The following MTMR12 variants were observed in gnomAD, a reference collection of about 807,000 sequenced individuals.
MTMR12 encodes myotubularin related protein 12.
A neutral mutation model predicts 96.7 loss-of-function variants in MTMR12; 33 were observed. The ratio of observed to expected loss-of-function variants is 0.34; its 90% CI spans 0.26 to 0.46. The LOEUF is 0.46. MTMR12 is among the 20% of genes least tolerant of loss of function. The probability of loss-of-function intolerance (pLI) is 1.00; values close to 1 mark genes in which losing one functional copy is unlikely to be tolerated. For missense variants in MTMR12, 721 were observed against 896.1 expected, an observed-to-expected ratio of 0.80 and a Z score of 2.49; for synonymous variants, 298 against 327.2, an observed-to-expected ratio of 0.91 and a Z score of 0.96.
At chr5:32,248,927 AGGG>A in intron 8 of MTMR12, 49 bp from the exon 9 acceptor site, 1 of 1,405,074 alleles carries the variant, frequency 7.1e-7, no homozygotes, top group Non-Finnish European at 1.0e-6. Flanking sequence ...ACAACCCAAC[AGGG>A]GACACATAAG....
At chr5:32,290,374 T>A (rs939170334) in intron 1 of MTMR12, among the ~76,000 whole-genome samples, 1 of 152,194 alleles carries the variant, frequency 6.6e-6, no homozygotes, top group African/African-American at 2.4e-5. Flanking sequence ...CATTTTCATG[T>A]CAGAGGATGG....
intron 6 of MTMR12, among the ~76,000 whole-genome samples, chr5:32,267,205 G>A (rs375692188): frequency 2.8e-4 from 42 of 151,892 alleles, no homozygotes; most frequent in African/African-American, 7.7e-4. Context: ...GTAAAACCCC[G>A]TCTCTACTAA....
At chr5:32,265,521 A>G (rs543709897) in intron 6 of MTMR12, among the ~76,000 whole-genome samples, 2 of 152,366 alleles carry the variant, frequency 1.3e-5, no homozygotes, top group African/African-American at 4.8e-5. Context: ...ATAAATGTTT[A>G]TACAAATTAT....
At chr5:32,250,974 C>G (rs1419230863) in intron 8 of MTMR12, among the ~76,000 whole-genome samples, 1 of 151,232 alleles carries the variant, frequency 6.6e-6, no homozygotes, top group Non-Finnish European at 1.5e-5. Flanking sequence ...ACTTCATAGG[C>G]AAGAATCACA....
chr5:32,230,542 C>A (rs1476792386), intron 15 of MTMR12, among the ~76,000 whole-genome samples, 195 bp from the exon 16 acceptor site: 1 of 152,190 alleles, frequency 6.6e-6, no homozygotes, highest in Non-Finnish European at 1.5e-5. Flanking sequence ...ATGGTGCACA[C>A]TGTACCAGAA....
rs1310011542 is a variant in MTMR12, at chr5:32,255,817, A to G, written c.714-49T>C. 4 of 1,488,074 alleles carry G rather than the reference A, an allele frequency of 2.7e-6. No homozygotes were observed. In the African/African-American group the frequency reaches 5.5e-5, roughly 21 times the overall value. The allele number at this position is 1,488,074 out of a possible 1,614,324, so 92.2% of individuals were successfully genotyped here. On this transcript the variant is annotated intron_variant, in intron 7 of 15. Coordinates refer to ENST00000382142, the MANE Select transcript of MTMR12 (RefSeq NM_001040446.3). Reference sequence around the variant, plus strand: ...GTTTTAGTACAACACTTAATTCACAAAATATGAAAGCTCAACTTCAATGGA... The same window carrying G: ...GTTTTAGTACAACACTTAATTCACAGAATATGAAAGCTCAACTTCAATGGA...
chr5:32,275,903 G>C (rs1750032935), intron 2 of MTMR12, among the ~76,000 whole-genome samples: 1 of 152,158 alleles, frequency 6.6e-6, no homozygotes, highest in South Asian at 2.1e-4. Flanking sequence ...AACTTGCACA[G>C]ATTTATATCC....
In MTMR12 at chr5:32,298,987, G is replaced by T. The variant is rs1029767800; in HGVS notation, c.81+13771C>A. Among the ~76,000 whole-genome samples the T allele has an allele frequency of 3.4e-5, 5 of 147,230 alleles. No homozygotes were observed. The South Asian group carries it at 1.1e-3, about 32-fold the overall frequency. On this transcript the variant is annotated intron_variant, in intron 1 of 15. Transcript: ENST00000382142. ...AAAAAAAAAAGAACAATGCTGGAAA[G>T]AAATGAGGTCAAGTCTTGCCACAAT...
intron 3 of MTMR12, among the ~76,000 whole-genome samples, chr5:32,273,114 G>C (rs1014812034): frequency 8.5e-5 from 13 of 152,116 alleles, no homozygotes; most frequent in African/African-American, 2.7e-4. Flanking sequence ...TTAAACATAA[G>C]GTGAGCCGGG....
At chr5:32,284,811 A>C (rs1750461482) in intron 1 of MTMR12, among the ~76,000 whole-genome samples, 1 of 152,238 alleles carries the variant, frequency 6.6e-6, no homozygotes, top group Non-Finnish European at 1.5e-5. Context: ...ATACTCAAGC[A>C]GAACTGGTTC....
At chr5:32,277,042 C>T (rs1490550509) in intron 1 of MTMR12, among the ~76,000 whole-genome samples, 2 of 151,752 alleles carry the variant, frequency 1.3e-5, no homozygotes, top group African/African-American at 4.8e-5. Flanking sequence ...TGTGCCACCA[C>T]GCCCAGCTAA....
chr5:32,290,998 T>C (rs1379633749), intron 1 of MTMR12, among the ~76,000 whole-genome samples: 2 of 152,132 alleles, frequency 1.3e-5, no homozygotes, highest in Non-Finnish European at 2.9e-5. Context: ...ACAGCAACAT[T>C]CCATCATCAA....
chr5:32,290,162 GAA>G, intron 1 of MTMR12, among the ~76,000 whole-genome samples: 1 of 152,214 alleles, frequency 6.6e-6, no homozygotes, highest in Non-Finnish European at 1.5e-5. Flanking sequence ...AGGCCCACCA[GAA>G]GCAATTTGCC....
At position 32,312,571 on chromosome 5, in the gene MTMR12, G is replaced by A. The variant is rs981516655; in HGVS notation, c.81+187C>T. Among the ~76,000 whole-genome samples the A allele has an allele frequency of 1.3e-5, 2 of 152,086 alleles. No individual in the cohort carries two copies. The highest frequency in any genetic ancestry group is 6.5e-5 in the Admixed American group (1 of 15,274). On this transcript the variant is annotated intron_variant, in intron 1 of 15. Coordinates refer to ENST00000382142, the MANE Select transcript of MTMR12 (RefSeq NM_001040446.3). This position sits in a 1 kb window ranked among gnomAD's most constrained non-coding sequence, Gnocchi z 5.0. ...TCAGGCACCTGCCTGCCTGCGCCGG[G>A]GTCCCCATTCCGGCCCGCGCGGAGG...
rs1010880283 is a variant in MTMR12 at position 32,312,021 on chromosome 5, C to T, written c.81+737G>A. Among the ~76,000 whole-genome samples the T allele has an allele frequency of 2.6e-5, 4 of 152,222 alleles. No homozygotes were observed. The highest frequency in any genetic ancestry group is 2.9e-5 in the Non-Finnish European group (2 of 68,040). On this transcript the variant is annotated intron_variant, in intron 1 of 15. Transcript: ENST00000382142. This position sits in a 1 kb window ranked among gnomAD's most constrained non-coding sequence, Gnocchi z 5.0. Reference sequence around the variant, plus strand: ...GCTCCAGGAATGCAGAGATCTCTGTCCTGTTCACTGATGTCTATCACAAGC... The same window carrying T: ...GCTCCAGGAATGCAGAGATCTCTGTTCTGTTCACTGATGTCTATCACAAGC...
chr5:32,266,631 T>C (rs1462676267), intron 6 of MTMR12, among the ~76,000 whole-genome samples: 2 of 150,022 alleles, frequency 1.3e-5, no homozygotes. Flanking sequence ...GAGGTTGCAG[T>C]GAGCCGAGAT....
chr5:32,293,987 T>A (rs1157031526), intron 1 of MTMR12, among the ~76,000 whole-genome samples: 2 of 152,220 alleles, frequency 1.3e-5, no homozygotes, highest in African/African-American at 4.8e-5. Context: ...TCACAGCCTG[T>A]GCTCTGCTCC....
chr5:32,270,682 ATATGGGAT>A, intron 5 of MTMR12, 127 bp downstream of exon 5: 1 of 962,244 alleles, frequency 1.0e-6, no homozygotes, highest in Non-Finnish European at 1.5e-6. Flanking sequence ...TAATCAAAGA[ATATGGGAT>A]TACAACCAAT....
intron 5 of MTMR12, among the ~76,000 whole-genome samples, chr5:32,270,077 G>T (rs1209806175): frequency 1.3e-5 from 2 of 152,094 alleles, no homozygotes; most frequent in African/African-American, 4.8e-5. Flanking sequence ...ACATGAACAG[G>T]CCTCCTGATA....
Sources: allele counts gnomAD v4.1 joint callset (sites outside exome capture counted in the v4.1 genomes callset), GRCh38; gene constraint gnomAD v4.1.1; non-coding constraint Gnocchi (gnomAD v3.1); transcripts MANE v1.5; gene names NCBI Gene and HGNC (gene_info 2026-07-23, HGNC 2026-07-21).